The following VAT1L variants were observed in gnomAD, a reference collection of about 807,000 sequenced individuals.
VAT1L encodes the protein putative NADPH-dependent quinone oxidoreductase VAT1L.
In VAT1L, 34 loss-of-function variants were observed where a neutral mutation model predicts 44.1. The ratio of observed to expected loss-of-function variants is 0.77; its 90% confidence interval spans 0.59 to 1.03. The LOEUF (loss-of-function observed/expected upper bound fraction) is 1.03, where lower values mean the gene tolerates loss of function less well. VAT1L is among the 50% of genes least tolerant of loss of function. The probability of loss-of-function intolerance (pLI) is 0.00; values close to 1 mark genes in which losing one functional copy is unlikely to be tolerated. For missense variants in VAT1L, 615 were observed against 538.8 expected (o/e 1.14, Z -1.40); for synonymous variants, 253 against 202.2 (o/e 1.25, Z -2.13).
At chr16:77,908,630 A>T (rs746039419) in intron 7 of VAT1L, among the ~76,000 whole-genome samples, 2 of 152,078 alleles carry the variant, frequency 1.3e-5, no homozygotes, top group African/African-American at 2.4e-5. Context: ...AGACAGGAAA[A>T]GGAGGCCGGG....
chr16:77,922,527 G>A (rs1256263028), intron 7 of VAT1L, among the ~76,000 whole-genome samples: 4 of 152,182 alleles, frequency 2.6e-5, no homozygotes, highest in African/African-American at 7.2e-5. Context: ...GCAGCTGTCA[G>A]CGGCTTGTCA....
chr16:77,908,853 G>A (rs890721815), intron 7 of VAT1L, among the ~76,000 whole-genome samples: 2 of 152,140 alleles, frequency 1.3e-5, no homozygotes, highest in African/African-American at 4.8e-5. Context: ...GGCGGAGCTT[G>A]CAGTGAACCG....
At chr16:77,852,233 G>C (rs1249342109) in intron 3 of VAT1L, among the ~76,000 whole-genome samples, 1 of 152,214 alleles carries the variant, frequency 6.6e-6, no homozygotes, top group Non-Finnish European at 1.5e-5. Context: ...AGGAGGGGCT[G>C]TCACTGGTGT....
At chr16:77,946,937 G>A (rs2017975475) in intron 7 of VAT1L, among the ~76,000 whole-genome samples, 1 of 152,160 alleles carries the variant, frequency 6.6e-6, no homozygotes, top group African/African-American at 2.4e-5. Context: ...GAAAGTTGCT[G>A]GAAGGCAACA....
intron 3 of VAT1L, among the ~76,000 whole-genome samples, chr16:77,856,429 C>T (rs1283230854): frequency 6.6e-6 from 1 of 152,178 alleles, no homozygotes; most frequent in East Asian, 1.9e-4. Context: ...AACTGGGCCC[C>T]ATCCCAATCT....
intron 7 of VAT1L, among the ~76,000 whole-genome samples, chr16:77,919,626 GGA>G (rs2017589709): frequency 6.6e-6 from 1 of 152,148 alleles, no homozygotes; most frequent in Non-Finnish European, 1.5e-5. Flanking sequence ...GTGAAATAGA[GGA>G]GAGATGACTG....
chr16:77,811,212 C>A (rs1000766020), intron 1 of VAT1L, among the ~76,000 whole-genome samples: 1 of 152,144 alleles, frequency 6.6e-6, no homozygotes, highest in African/African-American at 2.4e-5. Context: ...ATATGAGCAA[C>A]CCCTGCCTCT....
intron 3 of VAT1L, among the ~76,000 whole-genome samples, chr16:77,844,749 G>T (rs985007266): frequency 6.6e-6 from 1 of 152,014 alleles, no homozygotes; most frequent in Non-Finnish European, 1.5e-5. Context: ...GTAGATTTTG[G>T]TATCTACAGA....
intron 7 of VAT1L, among the ~76,000 whole-genome samples, chr16:77,952,513 T>A (rs2018055805): frequency 6.6e-6 from 1 of 151,588 alleles, no homozygotes; most frequent in African/African-American, 2.4e-5. Context: ...CTGCTCCCCC[T>A]TTGAGACCTC....
chr16:77,821,413 G>C (rs1253690426), intron 2 of VAT1L, among the ~76,000 whole-genome samples: 1 of 151,174 alleles, frequency 6.6e-6, no homozygotes, highest in East Asian at 2.0e-4. Flanking sequence ...CGATTCTCCT[G>C]CCTCAGCCTC....
At chr16:77,927,314 G>C (rs1362597788) in intron 7 of VAT1L, among the ~76,000 whole-genome samples, 1 of 149,964 alleles carries the variant, frequency 6.7e-6, no homozygotes, top group Non-Finnish European at 1.5e-5. Flanking sequence ...CTCCAGCCTG[G>C]GTGACAGAGC....
chr16:77,884,487 G>C lies in VAT1L; in HGVS notation c.883-121G>C. The C allele has an allele frequency of 1.1e-6, 1 of 875,966 alleles. No individual in the cohort carries two copies. Among genetic ancestry groups the C allele is most frequent in the Non-Finnish European group, 1.7e-6 (1 of 603,656 alleles). The allele number at this position is 875,966 out of a possible 1,614,324, so 54.3% of individuals were successfully genotyped here. The stretch of plus-strand genomic sequence containing the variant: ...CCAAGAGCAACCCCTTGGCCAGCTG[G>C]AATCTGCTGAGCTGCAGCCCCACGT... On this transcript the variant is annotated intron_variant, in intron 6 of 8. Coordinates refer to ENST00000302536, the MANE Select transcript of VAT1L (RefSeq NM_020927.3). This position sits in a 1 kb window ranked among gnomAD's most constrained non-coding sequence, Gnocchi z 4.5.
chr16:77,864,836 G>T (rs1207636963), intron 4 of VAT1L, among the ~76,000 whole-genome samples: 1 of 152,146 alleles, frequency 6.6e-6, no homozygotes, highest in African/African-American at 2.4e-5. Flanking sequence ...GTTCCAGCAG[G>T]ATGTGAAAGG....
At position 77,884,755 on chromosome 16, in the gene VAT1L, CAGA is replaced by C. The variant is rs755610767; in HGVS notation, c.1037_1039del (p.Lys346del). The C allele has an allele frequency of 4.4e-6, 7 of 1,586,542 alleles. No individual in the cohort carries two copies. The Admixed American group carries it at 5.3e-5, about 12-fold the overall frequency. On this transcript the variant is annotated inframe_deletion, in exon 7 of 9. Coordinates refer to ENST00000302536, the MANE Select transcript of VAT1L (RefSeq NM_020927.3). This position sits in a 1 kb window ranked among gnomAD's most constrained non-coding sequence, Gnocchi z 4.5. ...GGAAAAACTCATAGGGCTCTACAAC[CAGA>C]AGAAGATCAAGCCTGTGGTGGACTC... is the stretch of plus-strand genomic sequence containing the variant.
chr16:77,950,327 T>A (rs2018026448), intron 7 of VAT1L, among the ~76,000 whole-genome samples: 1 of 151,096 alleles, frequency 6.6e-6, no homozygotes, highest in Admixed American at 6.6e-5. Flanking sequence ...AAAAATCGCT[T>A]AAACCTGCAA....
rs145247207 is a variant in VAT1L, at chr16:77,905,348, G to A, written c.1077+20546G>A. Among the ~76,000 whole-genome samples, 275 of 152,218 alleles carry A rather than the reference G, an allele frequency of 1.8e-3. 2 individuals carry two copies. Among genetic ancestry groups the A allele is most frequent in the Admixed American group, 1.7e-3 (26 of 15,284 alleles). ...CAGTAGCTGAGAGGAGATGCCTGAA[G>A]TTATTCTCGCTGCTGACCTCTTCTG... On this transcript the variant is annotated intron_variant, in intron 7 of 8. Transcript: ENST00000302536.
At chr16:77,942,598 G>A (rs1390705839) in intron 7 of VAT1L, among the ~76,000 whole-genome samples, 1 of 152,140 alleles carries the variant, frequency 6.6e-6, no homozygotes, top group African/African-American at 2.4e-5. Context: ...ATCCATAGTT[G>A]CCTCATTTCT....
At chr16:77,962,091 G>T (rs1261398760) in intron 7 of VAT1L, among the ~76,000 whole-genome samples, 1 of 152,028 alleles carries the variant, frequency 6.6e-6, no homozygotes, top group Admixed American at 6.6e-5. Flanking sequence ...GAACCTGCCA[G>T]TCATGCCACG....
chr16:77,875,871 A>T (rs2017082242), intron 4 of VAT1L, among the ~76,000 whole-genome samples: 1 of 152,204 alleles, frequency 6.6e-6, no homozygotes, highest in Non-Finnish European at 1.5e-5. Flanking sequence ...CTGCTAGAGA[A>T]GCAGCCCCAT....
Sources: allele counts gnomAD v4.1 joint callset (sites outside exome capture counted in the v4.1 genomes callset), GRCh38; gene constraint gnomAD v4.1.1; non-coding constraint Gnocchi (gnomAD v3.1); transcripts MANE v1.5; gene names NCBI Gene and HGNC (gene_info 2026-07-23, HGNC 2026-07-21).